The following PCDHA3 variants were observed in gnomAD, a reference collection of about 807,000 sequenced individuals.
PCDHA3 encodes the protein protocadherin alpha 3.
A neutral mutation model predicts 62.2 loss-of-function variants in PCDHA3; 41 were observed. The ratio of observed to expected loss-of-function variants is 0.66; its 90% CI spans 0.51 to 0.86. The LOEUF (loss-of-function observed/expected upper bound fraction) is 0.86. PCDHA3 is among the 40% of genes least tolerant of loss of function. PCDHA3 has a pLI of 0.00. For synonymous variants in PCDHA3, 640 were observed against 555.4 expected (o/e 1.15, Z -2.14); for missense variants, 1,304 against 1,241.2 (o/e 1.05, Z -0.76).
At chr5:140,870,962 C>T (rs1489353896) in intron 1 of PCDHA3, 3 of 1,613,532 alleles carry the variant, frequency 1.9e-6, no homozygotes, top group Admixed American at 1.7e-5. Context: ...TCGCGCATCC[C>T]GTTCCGCGTG....
intron 1 of PCDHA3, among the ~76,000 whole-genome samples, chr5:140,952,560 C>T (rs536018099): frequency 5.2e-4 from 79 of 152,304 alleles, no homozygotes; most frequent in Non-Finnish European, 1.0e-3. Context: ...TCACTATCAG[C>T]ACTTCGGTCC....
intron 1 of PCDHA3, chr5:140,853,175 G>A: frequency 1.0e-6 from 1 of 970,848 alleles, no homozygotes. Flanking sequence ...CACCGCGCCT[G>A]GCCTAAAATG....
At chr5:140,943,613 C>G (rs1490811039) in intron 1 of PCDHA3, among the ~76,000 whole-genome samples, 1 of 152,026 alleles carries the variant, frequency 6.6e-6, no homozygotes, top group African/African-American at 2.4e-5. Context: ...GACTTTGATT[C>G]ATCTGCATAA....
In PCDHA3 at chr5:140,858,119, C is replaced by G. The variant is rs1444406371; in HGVS notation, c.2394+54528C>G. The G allele has an allele frequency of 1.6e-5, 26 of 1,597,694 alleles. 1 individual carries two copies. The highest frequency in any genetic ancestry group is 2.1e-5 in the Non-Finnish European group (25 of 1,167,644). On this transcript the variant is annotated intron_variant, in intron 1 of 3. Transcript: ENST00000522353. The stretch of plus-strand genomic sequence containing the variant: ...AGTGGGCGTGGCGCCCGAGGTGGCC[C>G]TGGTGGATGTCAACGTGTACCTGAT...
chr5:140,986,372 G>A lies in PCDHA3; in HGVS notation c.2542+3809G>A, dbSNP rs570215048. ...TCTTCAGATGGAGGAATGCGTTTTG[G>A]GGGGAGGGACATTAAAGGGCCAGTC... On this transcript the variant is annotated intron_variant, in intron 3 of 3. Coordinates refer to ENST00000522353, the MANE Select transcript of PCDHA3 (RefSeq NM_018906.3). Among the ~76,000 whole-genome samples, 23 of 152,248 alleles carry A rather than the reference G, an allele frequency of 1.5e-4. No homozygotes were observed. In the East Asian group the frequency reaches 1.7e-3, roughly 12 times the overall value.
intron 1 of PCDHA3, chr5:140,815,069 T>C (rs1392861131): frequency 6.6e-6 from 1 of 152,164 alleles, no homozygotes; most frequent in Admixed American, 6.5e-5. Flanking sequence ...TTTCAGGCTA[T>C]CCAGGTCTTT....
chr5:140,960,467 C>A (rs1554224775), intron 1 of PCDHA3, among the ~76,000 whole-genome samples: 1 of 152,010 alleles, frequency 6.6e-6, no homozygotes, highest in Non-Finnish European at 1.5e-5. Context: ...GAGAAGTAAT[C>A]CTTCTTACAC....
chr5:140,823,151 A>G (rs1554129165), intron 1 of PCDHA3: 2 of 1,613,766 alleles, frequency 1.2e-6, no homozygotes, highest in African/African-American at 1.3e-5. Flanking sequence ...CAGCCCCAGT[A>G]TACCGTGTTC....
intron 1 of PCDHA3, among the ~76,000 whole-genome samples, chr5:140,944,057 G>A (rs1394005045): frequency 1.3e-5 from 2 of 152,130 alleles, no homozygotes; most frequent in African/African-American, 4.8e-5. Context: ...GATACAAAAA[G>A]GTTTCTTGTT....
chr5:140,858,249 A>G lies in PCDHA3; in HGVS notation c.2394+54658A>G, dbSNP rs782165070. Reference sequence around the variant, plus strand: ...ACCGAGGGCGCATGTGGGCCGGTGAAGCCCACGCTGGTGTGCTCTAGCGCG... The same window carrying G: ...ACCGAGGGCGCATGTGGGCCGGTGAGGCCCACGCTGGTGTGCTCTAGCGCG... On this transcript the variant is annotated intron_variant, in intron 1 of 3. Coordinates refer to ENST00000522353, the MANE Select transcript of PCDHA3 (RefSeq NM_018906.3). 53 of 1,596,100 alleles carry G rather than the reference A, an allele frequency of 3.3e-5. 6 individuals are homozygous for G. The highest frequency in any genetic ancestry group is 4.5e-5 in the Non-Finnish European group (52 of 1,166,170).
intron 1 of PCDHA3, chr5:140,849,231 C>T (rs2040825064): frequency 9.5e-7 from 1 of 1,049,088 alleles, no homozygotes; most frequent in Admixed American, 2.7e-5. Context: ...CGACAGAACC[C>T]TGTATACGGT....
In PCDHA3 at chr5:140,969,065, A is replaced by G. The variant is rs1554231418; in HGVS notation, c.2395-9884A>G. 4.3e-6 allele frequency: 7 copies of G among 1,614,188 alleles called. No individual in the cohort carries two copies. The East Asian group carries it at 1.6e-4, about 36-fold the overall frequency. On this transcript the variant is annotated intron_variant, in intron 1 of 3. Coordinates refer to ENST00000522353, the MANE Select transcript of PCDHA3 (RefSeq NM_018906.3). ...ACAAGCCAACAACAATATTGATGCC[A>G]GGATACCGCATGGCCTCAAAGTGCA...
intron 1 of PCDHA3, chr5:140,823,968 C>T (rs2150130951): frequency 1.2e-6 from 2 of 1,614,054 alleles, no homozygotes; most frequent in East Asian, 2.2e-5. Context: ...AGGCCGTGTG[C>T]ACACGGGGCA....
Position 140,802,400 on chromosome 5 carries a change from C to T in PCDHA3, c.1203C>T (p.Phe401=). Residue 401 remains phenylalanine (F), a synonymous_variant, in exon 1 of 4, where the codon TTC becomes TTT. Transcript: ENST00000522353. The part of the protein sequence containing the change: ...PHVPFKLVST[F]KNYYSLVLDS... ...TCCCCTTCAAGCTGGTGTCCACCTT[C>T]AAGAATTACTACTCATTGGTGCTGG... 1 of 1,614,242 alleles carries T rather than the reference C, an allele frequency of 6.2e-7. No homozygotes were observed. The highest frequency in any genetic ancestry group is 1.1e-5 in the South Asian group (1 of 91,086).
chr5:140,979,391 T>C (rs1298274291), intron 2 of PCDHA3, among the ~76,000 whole-genome samples: 1 of 152,202 alleles, frequency 6.6e-6, no homozygotes, highest in Non-Finnish European at 1.5e-5. Context: ...AATGTATACA[T>C]ACATGTTGTC....
chr5:140,927,236 T>G, intron 1 of PCDHA3: 1 of 1,614,120 alleles, frequency 6.2e-7, no homozygotes, highest in Non-Finnish European at 8.5e-7. Context: ...ATTCACGTCC[T>G]GGACACCAAT....
At position 140,829,859 on chromosome 5, in the gene PCDHA3, G is replaced by A. The variant is rs2150176388; in HGVS notation, c.2394+26268G>A. ...GCCGCGGTCACTGGGTGCAGGCCAAGTGGTGGCGAAGGTGCGCGCAGTTGA... is the reference window on the plus strand; with the variant it reads ...GCCGCGGTCACTGGGTGCAGGCCAAATGGTGGCGAAGGTGCGCGCAGTTGA... On this transcript the variant is annotated intron_variant, in intron 1 of 3. Coordinates refer to ENST00000522353, the MANE Select transcript of PCDHA3 (RefSeq NM_018906.3). 2.5e-6 allele frequency: 4 copies of A among 1,613,860 alleles called. No individual in the cohort carries two copies. In the African/African-American group the frequency reaches 4.0e-5, roughly 16 times the overall value.
intron 1 of PCDHA3, chr5:140,823,479 A>G (rs2150065816): frequency 6.2e-7 from 1 of 1,613,312 alleles, no homozygotes; most frequent in Non-Finnish European, 8.5e-7. Context: ...TGGTGCCTCG[A>G]GTGGGTGGCA....
chr5:140,882,323 C>G, intron 1 of PCDHA3: 1 of 1,614,216 alleles, frequency 6.2e-7, no homozygotes, highest in African/African-American at 1.3e-5. Context: ...GCTCTGGCTT[C>G]TGATCCTCGC....
Sources: allele counts gnomAD v4.1 joint callset (sites outside exome capture counted in the v4.1 genomes callset), GRCh38; gene constraint gnomAD v4.1.1; transcripts MANE v1.5; gene names NCBI Gene and HGNC (gene_info 2026-07-23, HGNC 2026-07-21).